The following NOX4 variants were observed in gnomAD, a reference collection of about 807,000 sequenced individuals.
The protein encoded by NOX4 is NADPH oxidase 4.
Under a neutral mutation model 87.6 loss-of-function variants are expected in NOX4, and 69 were observed. The observed-to-expected ratio is 0.79, with a 90% CI of 0.65 to 0.96. NOX4 has a LOEUF of 0.96. NOX4 is among the 40% of genes least tolerant of loss of function. The pLI is 0.00. For synonymous variants in NOX4, 275 were observed against 238.2 expected (o/e 1.15, Z -1.42); for missense variants, 680 against 681.5 (o/e 1.00, Z 0.02).
intron 13 of NOX4, among the ~76,000 whole-genome samples, chr11:89,343,440 G>C (rs1946086774): frequency 6.6e-6 from 1 of 151,830 alleles, no homozygotes; most frequent in Non-Finnish European, 1.5e-5. Context: ...GGCCCTTAGA[G>C]AATCAGTTGT....
chr11:89,523,743 G>A, the NOX4 span, among the ~76,000 whole-genome samples: 1 of 152,124 alleles, frequency 6.6e-6, no homozygotes, highest in Non-Finnish European at 1.5e-5. Flanking sequence ...AATGAGTGAA[G>A]AGATAAACAA....
chr11:89,491,761 CACACAA>C (rs199906786), upstream of NOX4, among the ~76,000 whole-genome samples: 3,681 of 142,132 alleles, frequency 0.026, 136 homozygotes, highest in African/African-American at 0.086. Flanking sequence ...CACACACACA[CACACAA>C]GAAGACACAG....
intron 2 of NOX4, among the ~76,000 whole-genome samples, chr11:89,476,894 C>T (rs1351955097): frequency 6.6e-6 from 1 of 152,028 alleles, no homozygotes; most frequent in Non-Finnish European, 1.5e-5. Flanking sequence ...TGATCCAATG[C>T]CATTTTTGTG....
chr11:89,442,426 A>T (rs1346037676), intron 5 of NOX4, among the ~76,000 whole-genome samples: 1 of 152,180 alleles, frequency 6.6e-6, no homozygotes, highest in Non-Finnish European at 1.5e-5. Flanking sequence ...ACAAAGAAAT[A>T]CATTCACTGG....
At chr11:89,476,712 G>A (rs1946183269) in intron 2 of NOX4, among the ~76,000 whole-genome samples, 1 of 152,106 alleles carries the variant, frequency 6.6e-6, no homozygotes, top group South Asian at 2.1e-4. Context: ...GATATTAGAG[G>A]TAATCTGAGT....
chr11:89,564,033 C>T, the NOX4 span, among the ~76,000 whole-genome samples: 1 of 151,888 alleles, frequency 6.6e-6, no homozygotes. Context: ...ATGGCAAGGC[C>T]GTTTAGATAA....
the NOX4 span, among the ~76,000 whole-genome samples, chr11:89,561,327 G>A: frequency 6.6e-6 from 1 of 151,532 alleles, no homozygotes; most frequent in African/African-American, 2.4e-5. Context: ...CAACCCAGCA[G>A]GTAAATTGCT....
At chr11:89,353,542 A>G (rs1286780266) in intron 13 of NOX4, among the ~76,000 whole-genome samples, 1 of 152,224 alleles carries the variant, frequency 6.6e-6, no homozygotes, top group African/African-American at 2.4e-5. Context: ...AAAAGACTAC[A>G]GAATACTGTT....
At chr11:89,578,608 C>T in the NOX4 span, among the ~76,000 whole-genome samples, 4,061 of 152,154 alleles carry the variant, frequency 0.027, 184 homozygotes, top group African/African-American at 0.093. Flanking sequence ...GTAAATGGTA[C>T]AATCAGTTAA....
intron 11 of NOX4, among the ~76,000 whole-genome samples, chr11:89,389,568 T>G (rs4753218): frequency 0.38 from 58,235 of 152,010 alleles, 11,380 homozygotes; most frequent in African/African-American, 0.45. Context: ...TTAGAAGAGC[T>G]TAGTAGTATG....
At chr11:89,545,990 T>G in the NOX4 span, among the ~76,000 whole-genome samples, 1 of 152,290 alleles carries the variant, frequency 6.6e-6, no homozygotes, top group Middle Eastern at 3.4e-3. Flanking sequence ...GGTCTTCCTG[T>G]GGTAAATATT....
chr11:89,365,424 C>G (rs1223477675), intron 12 of NOX4, among the ~76,000 whole-genome samples: 4 of 148,258 alleles, frequency 2.7e-5, no homozygotes, highest in Non-Finnish European at 5.9e-5. Context: ...GCCACAGAGG[C>G]TAAACTATAA....
chr11:89,424,514 T>C (rs574148460), intron 7 of NOX4, among the ~76,000 whole-genome samples: 76 of 151,392 alleles, frequency 5.0e-4, no homozygotes, highest in Non-Finnish European at 9.7e-4. Flanking sequence ...TTTTGCTTTT[T>C]TCCTGATTTT....
chr11:89,514,012 C>G, the NOX4 span, among the ~76,000 whole-genome samples: 318 of 152,120 alleles, frequency 2.1e-3, no homozygotes, highest in Middle Eastern at 6.8e-3. Context: ...TCTAGAACCA[C>G]AAGGTAAATA....
At chr11:89,413,691 G>A (rs919713074) in intron 8 of NOX4, among the ~76,000 whole-genome samples, 1 of 152,080 alleles carries the variant, frequency 6.6e-6, no homozygotes, top group African/African-American at 2.4e-5. Flanking sequence ...AGGGGGAGAA[G>A]TGGGGATGAG....
At chr11:89,523,310 T>A in the NOX4 span, among the ~76,000 whole-genome samples, 1 of 152,114 alleles carries the variant, frequency 6.6e-6, no homozygotes, top group Non-Finnish European at 1.5e-5. Flanking sequence ...GCGTGAGCTA[T>A]GGTGCCTGGC....
the NOX4 span, among the ~76,000 whole-genome samples, chr11:89,564,893 G>C: frequency 2.0e-5 from 3 of 151,800 alleles, no homozygotes; most frequent in Admixed American, 2.0e-4. Flanking sequence ...TAATATTTCT[G>C]TTCTGGAACT....
chr11:89,432,716 T>G (rs1943869236), intron 7 of NOX4, 68 bp downstream of exon 7: 3 of 1,136,312 alleles, frequency 2.6e-6, no homozygotes, highest in Non-Finnish European at 4.0e-6. Flanking sequence ...TTAAACATTT[T>G]GATTACTCAA....
At chr11:89,517,578 T>G in the NOX4 span, among the ~76,000 whole-genome samples, 3 of 152,014 alleles carry the variant, frequency 2.0e-5, no homozygotes, top group East Asian at 5.8e-4. Context: ...TGGGCTCAAG[T>G]GATTCTCCCA....
Sources: allele counts gnomAD v4.1 joint callset (sites outside exome capture counted in the v4.1 genomes callset), GRCh38; gene constraint gnomAD v4.1.1; transcripts MANE v1.5; gene names NCBI Gene and HGNC (gene_info 2026-07-23, HGNC 2026-07-21).